The following KCNMB2 variants were observed in gnomAD, a reference collection of about 807,000 sequenced individuals.
KCNMB2 encodes potassium calcium-activated channel subfamily M regulatory beta subunit 2.
Under a neutral mutation model 24.5 loss-of-function variants are expected in KCNMB2, and 9 were observed. That is an observed-to-expected ratio of 0.37 (90% CI 0.22 to 0.64). KCNMB2 has a LOEUF of 0.64. Ranked by LOEUF, KCNMB2 falls within the 30% of genes least tolerant of loss-of-function variation. KCNMB2 has a pLI of 0.63. For missense variants in KCNMB2, 226 were observed against 284.3 expected, an observed-to-expected ratio of 0.79 and a Z score of 1.47; for synonymous variants, 109 against 104.4, an observed-to-expected ratio of 1.04 and a Z score of -0.27.
chr3:178,715,365 G>GTTT (rs768377401), intron 1 of KCNMB2, among the ~76,000 whole-genome samples: 1 of 132,340 alleles, frequency 7.6e-6, no homozygotes. Flanking sequence ...TTGTTTTTTG[G>GTTT]TTTTTTTTTT....
intron 1 of KCNMB2, among the ~76,000 whole-genome samples, chr3:178,591,123 G>A (rs1219356279): frequency 6.6e-6 from 1 of 152,086 alleles, no homozygotes; most frequent in Non-Finnish European, 1.5e-5. Flanking sequence ...GCCACATTTT[G>A]GTAGGTCTTT....
intron 1 of KCNMB2, among the ~76,000 whole-genome samples, chr3:178,560,095 C>T (rs990824747): frequency 6.8e-6 from 1 of 148,104 alleles, no homozygotes; most frequent in Non-Finnish European, 1.5e-5. Flanking sequence ...ATATAAATTA[C>T]TTTTTATATA....
At chr3:178,713,614 C>T (rs1722522168) in intron 1 of KCNMB2, among the ~76,000 whole-genome samples, 1 of 152,270 alleles carries the variant, frequency 6.6e-6, no homozygotes, top group Admixed American at 6.5e-5. Flanking sequence ...CAGCCTGCCC[C>T]CTACCTCCAC....
At chr3:178,751,445 T>C (rs1471756479) in intron 1 of KCNMB2, among the ~76,000 whole-genome samples, 1 of 151,752 alleles carries the variant, frequency 6.6e-6, no homozygotes, top group East Asian at 1.9e-4. Flanking sequence ...CTGGGCATTG[T>C]AGCAGGCACC....
At chr3:178,799,711 G>A (rs1713702012) in intron 1 of KCNMB2, among the ~76,000 whole-genome samples, 1 of 151,954 alleles carries the variant, frequency 6.6e-6, no homozygotes, top group African/African-American at 2.4e-5. Context: ...AAGACCTAGA[G>A]TAGCCAAAGC....
At chr3:178,758,441 T>C (rs181013321) in intron 1 of KCNMB2, among the ~76,000 whole-genome samples, 598 of 54,068 alleles carry the variant, frequency 0.011, 53 homozygotes, top group African/African-American at 0.018. Context: ...TATATATATA[T>C]ACACACACAA....
chr3:178,652,462 A>G (rs1720159598), intron 1 of KCNMB2, among the ~76,000 whole-genome samples: 1 of 141,610 alleles, frequency 7.1e-6, no homozygotes. Flanking sequence ...AACTTGAAGT[A>G]TTAAAAAAAA....
At chr3:178,540,293 T>C (rs79425159) in intron 1 of KCNMB2, among the ~76,000 whole-genome samples, 4,658 of 152,314 alleles carry the variant, frequency 0.031, 131 homozygotes, top group Admixed American at 0.086. Context: ...GCTACCACTC[T>C]GGGCAAGTCA....
intron 3 of KCNMB2, 66 bp downstream of exon 3, chr3:178,825,824 G>T: frequency 3.8e-6 from 5 of 1,321,366 alleles, no homozygotes; most frequent in Non-Finnish European, 4.3e-6. Flanking sequence ...CATCACTTAG[G>T]CAACCCTAAG....
intron 1 of KCNMB2, among the ~76,000 whole-genome samples, chr3:178,674,922 A>G (rs1256139744): frequency 1.3e-5 from 2 of 152,232 alleles, no homozygotes; most frequent in African/African-American, 2.4e-5. Context: ...TTCTCCCAGA[A>G]TGCCATGTGG....
chr3:178,697,250 A>C (rs938338044), intron 1 of KCNMB2, among the ~76,000 whole-genome samples: 5 of 152,186 alleles, frequency 3.3e-5, no homozygotes, highest in African/African-American at 1.2e-4. Context: ...GTCTCTTTGA[A>C]GGTCTCTAAG....
At chr3:178,816,772 T>C (rs1714418267) in intron 2 of KCNMB2, among the ~76,000 whole-genome samples, 1 of 152,178 alleles carries the variant, frequency 6.6e-6, no homozygotes, top group African/African-American at 2.4e-5. Context: ...CTTCTGTAGA[T>C]GTCATTCTAG....
Position 178,786,804 on chromosome 3 carries a change from G to A in KCNMB2, c.-67-20539G>A, listed in dbSNP as rs1195704394. Among the ~76,000 whole-genome samples, 3 of 142,914 alleles carry A rather than the reference G, an allele frequency of 2.1e-5. No individual in the cohort carries two copies. The Admixed American group carries it at 2.1e-4, about 10-fold the overall frequency. 93.8% of individuals were successfully genotyped at this position (142,914 alleles called of 152,430 possible). On this transcript the variant is annotated intron_variant, in intron 1 of 4. Transcript: ENST00000452583. ...TCTCATGTAATATGACTCACCTAAA[G>A]CCAAAAAATAAAAAAACCTACTTGC...
At chr3:178,567,603 T>C (rs1364264801) in intron 1 of KCNMB2, among the ~76,000 whole-genome samples, 3 of 151,556 alleles carry the variant, frequency 2.0e-5, no homozygotes, top group Non-Finnish European at 4.4e-5. Flanking sequence ...ACAGCTAGCA[T>C]TCTAACAATA....
At chr3:178,581,520 A>G (rs1399659841) in intron 1 of KCNMB2, among the ~76,000 whole-genome samples, 1 of 152,210 alleles carries the variant, frequency 6.6e-6, no homozygotes, top group Non-Finnish European at 1.5e-5. Context: ...GACAAATGGG[A>G]TCTAATTAAA....
chr3:178,798,121 G>A (rs761775272), intron 1 of KCNMB2, among the ~76,000 whole-genome samples: 3 of 152,066 alleles, frequency 2.0e-5, no homozygotes, highest in Non-Finnish European at 4.4e-5. Context: ...TTTGAATACG[G>A]TTTATTTCTT....
chr3:178,818,213 T>C (rs1714482984), intron 2 of KCNMB2, among the ~76,000 whole-genome samples: 1 of 152,178 alleles, frequency 6.6e-6, no homozygotes, highest in Admixed American at 6.5e-5. Context: ...TTAAAACCCA[T>C]AGTGTTGCTA....
intron 1 of KCNMB2, among the ~76,000 whole-genome samples, chr3:178,611,675 A>T (rs2108516789): frequency 6.6e-6 from 1 of 152,314 alleles, no homozygotes; most frequent in East Asian, 1.9e-4. Context: ...ACTGCACTCC[A>T]GCCTGGGAGA....
At chr3:178,800,328 T>C (rs1429159495) in intron 1 of KCNMB2, among the ~76,000 whole-genome samples, 1 of 151,928 alleles carries the variant, frequency 6.6e-6, no homozygotes, top group Non-Finnish European at 1.5e-5. Flanking sequence ...AACAAATCTA[T>C]AGGAAAAAAA....
Sources: allele counts gnomAD v4.1 joint callset (sites outside exome capture counted in the v4.1 genomes callset), GRCh38; gene constraint gnomAD v4.1.1; transcripts MANE v1.5; gene names NCBI Gene and HGNC (gene_info 2026-07-23, HGNC 2026-07-21).